MAP3K20: variants seen among roughly 807,000 people sequenced by gnomAD.
The protein encoded by MAP3K20 is mitogen-activated protein kinase kinase kinase 20, also known as HCCS-4.
In MAP3K20, 40 loss-of-function variants were observed where a neutral mutation model predicts 85.7. The observed-to-expected ratio is 0.47, with a 90% CI of 0.36 to 0.61. MAP3K20 has a LOEUF of 0.61. MAP3K20 is among the 20% of genes least tolerant of loss of function. The pLI is 0.00. For missense variants in MAP3K20, 817 were observed against 961.7 expected (o/e 0.85, Z 1.99); for synonymous variants, 325 against 327.7 (o/e 0.99, Z 0.09).
At position 173,267,025 on chromosome 2, in the gene MAP3K20, T is replaced by A. The variant is rs1277845748; in HGVS notation, c.*275T>A. 11 of 249,646 alleles carry A rather than the reference T, an allele frequency of 4.4e-5. No homozygotes were observed. In the East Asian group the frequency reaches 7.9e-4, roughly 18 times the overall value. The allele number at this position is 249,646 out of a possible 1,614,324, so 15.5% of individuals were successfully genotyped here. The stretch of plus-strand genomic sequence containing the variant: ...TTAGAGGAAAGGTTATGCCATCTTT[T>A]TACCCTAACCACTGATATTCTGGTT... On this transcript the variant is annotated 3_prime_UTR_variant, in exon 20 of 20. Transcript: ENST00000375213.
At chr2:173,095,303 C>G (rs1687427452) in intron 2 of MAP3K20, among the ~76,000 whole-genome samples, 1 of 152,082 alleles carries the variant, frequency 6.6e-6, no homozygotes, top group Admixed American at 6.5e-5. Context: ...CTGTCTCATT[C>G]CTGGAGTCAG....
intron 14 of MAP3K20, among the ~76,000 whole-genome samples, chr2:173,235,815 C>G (rs1684634729): frequency 6.6e-6 from 1 of 152,148 alleles, no homozygotes; most frequent in Admixed American, 6.6e-5. Flanking sequence ...TAGTCTTCTT[C>G]CAGCTAGGAA....
intron 1 of MAP3K20, among the ~76,000 whole-genome samples, chr2:173,076,520 T>C (rs1191225294): frequency 6.6e-6 from 1 of 152,254 alleles, no homozygotes; most frequent in East Asian, 1.9e-4. Context: ...AACTTCTGCT[T>C]TTCTAAGAAC....
chr2:173,081,890 C>G (rs1382013154), intron 1 of MAP3K20, among the ~76,000 whole-genome samples: 1 of 152,132 alleles, frequency 6.6e-6, no homozygotes, highest in South Asian at 2.1e-4. Flanking sequence ...ATTCTGCCCT[C>G]TTAGCTGATG....
intron 9 of MAP3K20, among the ~76,000 whole-genome samples, chr2:173,206,236 A>C (rs1420464807): frequency 1.3e-5 from 2 of 152,216 alleles, no homozygotes; most frequent in Non-Finnish European, 2.9e-5. Flanking sequence ...AAGAATGTAC[A>C]TTTATGGTAC....
intron 1 of MAP3K20, among the ~76,000 whole-genome samples, chr2:173,077,611 A>G (rs1231614266): frequency 6.6e-6 from 1 of 152,166 alleles, no homozygotes; most frequent in African/African-American, 2.4e-5. Context: ...TTTTGAGATT[A>G]TTTGGGGAGT....
intron 9 of MAP3K20, among the ~76,000 whole-genome samples, chr2:173,204,603 C>G (rs1449554402): frequency 6.6e-6 from 1 of 152,170 alleles, no homozygotes; most frequent in Admixed American, 6.5e-5. Flanking sequence ...TTTTAAAAGA[C>G]TCTCGCATAC....
chr2:173,229,757 T>C, intron 12 of MAP3K20, 24 bp downstream of exon 12: 1 of 1,613,552 alleles, frequency 6.2e-7, no homozygotes, highest in Middle Eastern at 1.6e-4. Context: ...ATTCATGCCT[T>C]ATTTGACTTG....
At chr2:173,255,929 C>T (rs1685146931) in intron 16 of MAP3K20, among the ~76,000 whole-genome samples, 1 of 152,224 alleles carries the variant, frequency 6.6e-6, no homozygotes, top group South Asian at 2.1e-4. Context: ...ACCCACATTG[C>T]CTGGGTGGCA....
chr2:173,081,082 T>G (rs1231484680), intron 1 of MAP3K20, among the ~76,000 whole-genome samples: 1 of 152,236 alleles, frequency 6.6e-6, no homozygotes, highest in Admixed American at 6.5e-5. Flanking sequence ...CTTTAAAATT[T>G]TATATTTAAT....
chr2:173,089,183 T>TA (rs71018532), intron 1 of MAP3K20, among the ~76,000 whole-genome samples: 46,664 of 147,690 alleles, frequency 0.32, 8,153 homozygotes, highest in South Asian at 0.41. Flanking sequence ...CCTTTTTATT[T>TA]AAAAAAAAAA....
chr2:173,219,354 G>A (rs1488397550), intron 11 of MAP3K20, among the ~76,000 whole-genome samples: 1 of 152,104 alleles, frequency 6.6e-6, no homozygotes, highest in Non-Finnish European at 1.5e-5. Context: ...AAGGATATTT[G>A]GGGAGATTAA....
At chr2:173,091,845 A>T (rs542268551) in intron 2 of MAP3K20, among the ~76,000 whole-genome samples, 1 of 152,320 alleles carries the variant, frequency 6.6e-6, no homozygotes, top group South Asian at 2.1e-4. Context: ...CAGGAATGAG[A>T]TATAACATGG....
At chr2:173,120,523 G>C (rs1327580779) in intron 2 of MAP3K20, among the ~76,000 whole-genome samples, 1 of 151,296 alleles carries the variant, frequency 6.6e-6, no homozygotes, top group Non-Finnish European at 1.5e-5. Flanking sequence ...AATAGCCAGT[G>C]GCAGTCTCGT....
chr2:173,167,037 C>T (rs896259658), intron 2 of MAP3K20, among the ~76,000 whole-genome samples: 3 of 151,694 alleles, frequency 2.0e-5, no homozygotes, highest in East Asian at 1.9e-4. Flanking sequence ...CTCAACCTCC[C>T]GAGTAGCTGG....
chr2:173,245,548 A>T (rs936744609), intron 16 of MAP3K20, among the ~76,000 whole-genome samples: 13 of 152,360 alleles, frequency 8.5e-5, no homozygotes, highest in African/African-American at 3.1e-4. Flanking sequence ...ATTAGACCAA[A>T]GGCTTCACTG....
intron 2 of MAP3K20, among the ~76,000 whole-genome samples, chr2:173,159,477 C>T (rs1004083388): frequency 6.6e-5 from 10 of 150,990 alleles, no homozygotes; most frequent in African/African-American, 2.4e-4. Flanking sequence ...GCAGCCTGGA[C>T]CTCCTAGGTG....
intron 2 of MAP3K20, among the ~76,000 whole-genome samples, chr2:173,109,152 A>G (rs892557931): frequency 6.6e-6 from 1 of 152,250 alleles, no homozygotes; most frequent in African/African-American, 2.4e-5. Flanking sequence ...GATATAAAGT[A>G]AACATTAATT....
At chr2:173,230,152 A>C (rs1190273648) in intron 12 of MAP3K20, among the ~76,000 whole-genome samples, 1 of 152,054 alleles carries the variant, frequency 6.6e-6, no homozygotes, top group Non-Finnish European at 1.5e-5. Context: ...TTTTTAATGC[A>C]ATAATGATTG....
Sources: allele counts gnomAD v4.1 joint callset (sites outside exome capture counted in the v4.1 genomes callset), GRCh38; gene constraint gnomAD v4.1.1; transcripts MANE v1.5; gene names NCBI Gene and HGNC (gene_info 2026-07-23, HGNC 2026-07-21).